The following PDILT variants were observed in gnomAD, a reference collection of about 807,000 sequenced individuals.
PDILT encodes protein disulfide isomerase like, testis expressed.
Under a neutral mutation model 53.7 loss-of-function variants are expected in PDILT, and 43 were observed. The ratio of observed to expected loss-of-function variants is 0.80; its 90% CI spans 0.63 to 1.03. The LOEUF is 1.03. Ranked by LOEUF, PDILT falls within the 50% of genes least tolerant of loss-of-function variation. The probability of loss-of-function intolerance (pLI) is 0.00; values close to 1 mark genes in which losing one functional copy is unlikely to be tolerated. For missense variants in PDILT, 727 were observed against 712.3 expected (o/e 1.02, Z -0.24); for synonymous variants, 282 against 274.2 (o/e 1.03, Z -0.28).
chr16:20,362,348 T>A (rs188743996), intron 10 of PDILT, 56 bp downstream of exon 10: 1 of 1,574,020 alleles, frequency 6.4e-7, no homozygotes, highest in East Asian at 2.3e-5. Context: ...AGAAACTGAG[T>A]CCCTGATAAT....
chr16:20,394,229 C>A (rs1458375995), intron 2 of PDILT, among the ~76,000 whole-genome samples: 2 of 152,198 alleles, frequency 1.3e-5, no homozygotes. Context: ...AAGGCAATCT[C>A]TTGGAGAAAA....
At chr16:20,372,752 C>G (rs777659557) in intron 7 of PDILT, 50 bp downstream of exon 7, 1 of 1,594,778 alleles carries the variant, frequency 6.3e-7, no homozygotes, top group Admixed American at 1.7e-5. Context: ...GTCTGCAGGT[C>G]TTGGATCCTC....
At chr16:20,365,343 G>T in intron 9 of PDILT, 77 bp downstream of exon 9, 1 of 1,536,840 alleles carries the variant, frequency 6.5e-7, no homozygotes. Context: ...AGATTTCAGT[G>T]CCCAACAATT....
At chr16:20,384,414 C>T (rs1006905895) in intron 3 of PDILT, among the ~76,000 whole-genome samples, 6 of 152,060 alleles carry the variant, frequency 3.9e-5, no homozygotes, top group African/African-American at 9.7e-5. Flanking sequence ...TGTTCATGGC[C>T]AGGGCCATGA....
intron 7 of PDILT, among the ~76,000 whole-genome samples, chr16:20,371,799 TTAAC>T (rs1342625892): frequency 7.2e-5 from 11 of 152,262 alleles, no homozygotes; most frequent in African/African-American, 2.2e-4. Context: ...TGCAATCAAT[TTAAC>T]TATATCCAAA....
chr16:20,360,554 C>A lies in PDILT; in HGVS notation c.1506+14G>T, dbSNP rs370063827. On this transcript the variant is annotated intron_variant, in intron 11 of 11. Coordinates refer to ENST00000302451, the MANE Select transcript of PDILT (RefSeq NM_174924.2). The stretch of plus-strand genomic sequence containing the variant: ...TGGGACAGAATAATTCAGAGTATTT[C>A]TGTTGCCCCTTACCTCATCCTCATC... 18 of 1,600,648 alleles carry A rather than the reference C, an allele frequency of 1.1e-5. No individual in the cohort carries two copies. The African/African-American group carries it at 2.3e-4, about 20-fold the overall frequency.
rs1009131847 is a variant in PDILT at position 20,395,304 on chromosome 16, C to A, written c.202+3795G>T. Among the ~76,000 whole-genome samples the A allele has an allele frequency of 5.9e-4, 90 of 152,280 alleles. 2 individuals carry two copies. Among genetic ancestry groups the A allele is most frequent in the African/African-American group, 2.0e-3 (85 of 41,554 alleles). On this transcript the variant is annotated intron_variant, in intron 2 of 11. Coordinates refer to ENST00000302451, the MANE Select transcript of PDILT (RefSeq NM_174924.2). The stretch of plus-strand genomic sequence containing the variant: ...CTAAGTTCTAGCCAATAAGATGTTA[C>A]CAAAGTGATTGGGTGCAGCTCTGGG...
At chr16:20,393,348 A>G (rs1769381739) in intron 2 of PDILT, among the ~76,000 whole-genome samples, 1 of 152,226 alleles carries the variant, frequency 6.6e-6, no homozygotes, top group Non-Finnish European at 1.5e-5. Context: ...AGGGCTTTGA[A>G]GTAAAATCAA....
intron 3 of PDILT, among the ~76,000 whole-genome samples, chr16:20,382,840 G>A (rs1966479803): frequency 6.6e-6 from 1 of 152,220 alleles, no homozygotes; most frequent in East Asian, 1.9e-4. Context: ...GATGCAGAGG[G>A]GAGTGCTGTC....
At chr16:20,365,300 C>T in intron 9 of PDILT, 120 bp downstream of exon 9, 1 of 1,130,642 alleles carries the variant, frequency 8.8e-7, no homozygotes. Context: ...TATCTGAAGA[C>T]CATCCTTGGC....
chr16:20,374,413 A>C (rs1450427274), intron 5 of PDILT, among the ~76,000 whole-genome samples: 1 of 152,010 alleles, frequency 6.6e-6, no homozygotes, highest in African/African-American at 2.4e-5. Flanking sequence ...GAGGACCTGG[A>C]GAGGAGATTA....
chr16:20,401,701 G>C (rs975358144), intron 1 of PDILT, among the ~76,000 whole-genome samples: 1 of 152,222 alleles, frequency 6.6e-6, no homozygotes, highest in African/African-American at 2.4e-5. Flanking sequence ...CCCTGAGTCA[G>C]CTGGACACCT....
intron 4 of PDILT, among the ~76,000 whole-genome samples, chr16:20,375,536 T>A (rs959590716): frequency 6.6e-6 from 1 of 152,204 alleles, no homozygotes; most frequent in Non-Finnish European, 1.5e-5. Context: ...AATTAGCAAG[T>A]TATTTATAAA....
At chr16:20,389,747 T>A (rs1966586068) in intron 2 of PDILT, among the ~76,000 whole-genome samples, 1 of 152,122 alleles carries the variant, frequency 6.6e-6, no homozygotes, top group African/African-American at 2.4e-5. Context: ...CAGGTTTCCT[T>A]CTCTGAGCAG....
intron 3 of PDILT, among the ~76,000 whole-genome samples, chr16:20,379,059 G>C (rs1966425189): frequency 6.6e-6 from 1 of 151,944 alleles, no homozygotes; most frequent in Non-Finnish European, 1.5e-5. Context: ...TGTCACCCAG[G>C]CTAGAGTGCA....
In PDILT at chr16:20,374,694, C is replaced by A. The variant is rs1184847080; in HGVS notation, c.681+128G>T. On this transcript the variant is annotated intron_variant, in intron 5 of 11. Transcript: ENST00000302451. The stretch of plus-strand genomic sequence containing the variant: ...GAGCAACACTGGGAGACTGTGACTT[C>A]ACAGAAGTCAACTAGTCCAATGCCA... 4.6e-6 allele frequency: 5 copies of A among 1,085,448 alleles called. No homozygotes were observed. The East Asian group carries it at 9.8e-5, about 21-fold the overall frequency. 67.2% of individuals were successfully genotyped at this position (1,085,448 alleles called of 1,614,324 possible).
chr16:20,365,558 G>GAGGCCTA lies in PDILT; in HGVS notation c.1117-25_1117-19dup. 1 of 1,612,958 alleles carries GAGGCCTA rather than the reference G, an allele frequency of 6.2e-7. No homozygotes were observed. The highest frequency in any genetic ancestry group is 1.7e-4 in the Middle Eastern group (1 of 6,052). On this transcript the variant is annotated intron_variant, in intron 8 of 11. Coordinates refer to ENST00000302451, the MANE Select transcript of PDILT (RefSeq NM_174924.2). ...TGATGTTTCTAGGAAGCACATTTGA[G>GAGGCCTA]AGGCCTAAGAGTCTTCATAAAGGGT...
intron 8 of PDILT, among the ~76,000 whole-genome samples, chr16:20,367,115 C>T (rs542766796): frequency 6.3e-5 from 8 of 127,478 alleles, no homozygotes; most frequent in African/African-American, 2.4e-4. Context: ...TCCTTTCTTT[C>T]CTTTTGAGAC....
chr16:20,362,051 A>C (rs1019796623), intron 10 of PDILT, among the ~76,000 whole-genome samples: 1 of 152,172 alleles, frequency 6.6e-6, no homozygotes, highest in Non-Finnish European at 1.5e-5. Flanking sequence ...CCCACATCCA[A>C]TATTCTCATG....
Sources: allele counts gnomAD v4.1 joint callset (sites outside exome capture counted in the v4.1 genomes callset), GRCh38; gene constraint gnomAD v4.1.1; transcripts MANE v1.5; gene names NCBI Gene and HGNC (gene_info 2026-07-23, HGNC 2026-07-21).